Variants in ALDH8A1 observed in about 807,000 individuals in gnomAD.
The protein encoded by ALDH8A1 is aldehyde dehydrogenase 8 family member A1.
ALDH8A1 carries 39 observed loss-of-function variants against 43.3 expected under a neutral mutation model. The observed-to-expected ratio is 0.90, with a 90% CI of 0.70 to 1.18. The LOEUF is 1.18. ALDH8A1 is among the 50% of genes most tolerant of loss of function. ALDH8A1 has a pLI of 0.00. For synonymous variants in ALDH8A1, 233 were observed against 243.5 expected, an observed-to-expected ratio of 0.96 and a Z score of 0.40; for missense variants, 605 against 622.6, an observed-to-expected ratio of 0.97 and a Z score of 0.30.
At chr6:134,933,158 G>T in intron 4 of ALDH8A1, 126 bp from the exon 5 acceptor site, 1 of 1,111,162 alleles carries the variant, frequency 9.0e-7, no homozygotes, top group Non-Finnish European at 1.2e-6. Flanking sequence ...AAGCACTTGG[G>T]TTTTACAACA....
chr6:134,933,052 A>G lies in ALDH8A1; in HGVS notation c.593-20T>C. 1 of 1,523,106 alleles carries G rather than the reference A, an allele frequency of 6.6e-7. No individual in the cohort carries two copies. The highest frequency in any genetic ancestry group is 8.8e-7 in the Non-Finnish European group (1 of 1,141,612). 94.3% of individuals were successfully genotyped at this position (1,523,106 alleles called of 1,614,324 possible). A position where few individuals can be genotyped will look rare whatever the true frequency, so the allele number is the denominator to read the frequency against. On this transcript the variant is annotated intron_variant, in intron 4 of 6. Transcript: ENST00000265605. ...GAACACCTGGATAGGAAACAGTATC[A>G]GTTATAGTAATTCTCAGTATGTTGA...
rs1189336165 is a variant in ALDH8A1, at chr6:134,932,753, G to A, written c.849+23C>T. 5.6e-6 allele frequency: 9 copies of A among 1,609,946 alleles called. No homozygotes were observed. The South Asian group carries it at 1.0e-4, about 18-fold the overall frequency. ...GCTTGACAGGGCCATGGAGGGGAGG[G>A]AGAAGAACCCCCGGGGACATACCTG... On this transcript the variant is annotated intron_variant, in intron 5 of 6. Transcript: ENST00000265605.
rs1344098935 is a variant in ALDH8A1, at chr6:134,928,657, T to C, written c.1011+397A>G. Among the ~76,000 whole-genome samples the C allele has an allele frequency of 2.6e-5, 4 of 152,204 alleles. No individual in the cohort carries two copies. In the East Asian group the frequency reaches 5.8e-4, roughly 22 times the overall value. On this transcript the variant is annotated intron_variant, in intron 6 of 6. Transcript: ENST00000265605. The stretch of plus-strand genomic sequence containing the variant: ...CCCCCACTGACTAAGGACGACACAA[T>C]TGGGACTGTTTGTGTTGGCACTTCT...
At chr6:134,933,922 T>TG (rs1301299022) in intron 4 of ALDH8A1, among the ~76,000 whole-genome samples, 2 of 152,168 alleles carry the variant, frequency 1.3e-5, no homozygotes, top group Non-Finnish European at 2.9e-5. Context: ...TTGGCCAGGC[T>TG]GGTCTCGAAC....
At chr6:134,924,858 T>C (rs1010634267) in intron 6 of ALDH8A1, among the ~76,000 whole-genome samples, 8 of 152,230 alleles carry the variant, frequency 5.3e-5, no homozygotes, top group Non-Finnish European at 1.2e-4. Flanking sequence ...TGAAAACTAC[T>C]AGGAATCACC....
intron 4 of ALDH8A1, among the ~76,000 whole-genome samples, chr6:134,935,953 C>CT (rs5880239): frequency 0.13 from 18,624 of 138,878 alleles, 1,709 homozygotes; most frequent in East Asian, 0.25. Context: ...AGCCCCACTT[C>CT]TTTTTTTTTT....
chr6:134,945,456 G>A (rs1286854597), intron 1 of ALDH8A1, among the ~76,000 whole-genome samples: 3 of 152,254 alleles, frequency 2.0e-5, no homozygotes, highest in African/African-American at 7.2e-5. Context: ...TATATGTATG[G>A]GAAGGTATGG....
intron 6 of ALDH8A1, among the ~76,000 whole-genome samples, chr6:134,928,180 T>A (rs1414826472): frequency 6.6e-6 from 1 of 152,170 alleles, no homozygotes; most frequent in African/African-American, 2.4e-5. Context: ...CTCTCCTCCC[T>A]CCTGAAACCT....
intron 1 of ALDH8A1, among the ~76,000 whole-genome samples, chr6:134,945,753 G>A (rs1408339653): frequency 1.3e-5 from 2 of 152,114 alleles, no homozygotes. Context: ...CTAGCCGCCT[G>A]AGCCTGTGCT....
rs200001006 is a variant in ALDH8A1, at chr6:134,942,353, G to A, written c.442+56C>T. ...TTCCTTGAGGACAATGCCATAGAAT[G>A]TTGTGAGCATCTGCAAGCATAACCG... On this transcript the variant is annotated intron_variant, in intron 3 of 6. Coordinates refer to ENST00000265605, the MANE Select transcript of ALDH8A1 (RefSeq NM_022568.4). 3.4e-6 allele frequency: 5 copies of A among 1,492,330 alleles called. No homozygotes were observed. In the East Asian group the frequency reaches 1.2e-4, roughly 35 times the overall value. The allele number at this position is 1,492,330 out of a possible 1,614,324, so 92.4% of individuals were successfully genotyped here.
chr6:134,941,735 G>A (rs944891862), intron 3 of ALDH8A1, among the ~76,000 whole-genome samples: 3 of 151,744 alleles, frequency 2.0e-5, no homozygotes, highest in African/African-American at 7.3e-5. Flanking sequence ...ATGGTGGCCA[G>A]GCTGATCGAA....
At chr6:134,940,235 T>TA (rs1285584875) in intron 3 of ALDH8A1, 1 of 349,586 alleles carries the variant, frequency 2.9e-6, no homozygotes, top group South Asian at 2.2e-5. Flanking sequence ...CAAAAAAAAA[T>TA]AAAAAATAAA....
chr6:134,932,796 T>C lies in ALDH8A1; in HGVS notation c.829A>G (p.Arg277Gly). ...CATACCTGGTTGGCAAAGCTGGACCTGACGGTTGCCGGAATGCACTCATCC... is the reference window on the plus strand; with the variant it reads ...CATACCTGGTTGGCAAAGCTGGACCCGACGGTTGCCGGAATGCACTCATCC... ...NLDECIPATV[R>G]SSFANQGEIC... The change falls in exon 5 of 7, where the codon AGG becomes GGG. Residue 277 changes from arginine (R) to glycine (G), a missense_variant. Coordinates refer to ENST00000265605, the MANE Select transcript of ALDH8A1 (RefSeq NM_022568.4). 2 of 1,614,220 alleles carry C rather than the reference T, an allele frequency of 1.2e-6. No homozygotes were observed. Among genetic ancestry groups the C allele is most frequent in the Non-Finnish European group, 1.7e-6 (2 of 1,180,030 alleles).
intron 4 of ALDH8A1, among the ~76,000 whole-genome samples, chr6:134,934,283 C>G (rs1352733435): frequency 2.0e-5 from 3 of 152,162 alleles, no homozygotes; most frequent in African/African-American, 7.2e-5. Flanking sequence ...ATGACTCTTC[C>G]TTATTAATCT....
intron 2 of ALDH8A1, 120 bp from the exon 3 acceptor site, chr6:134,942,684 C>T (rs1773878876): frequency 4.0e-6 from 4 of 997,846 alleles, no homozygotes; most frequent in Admixed American, 2.7e-5. Flanking sequence ...TAGCCCGGGG[C>T]AGGCATTCCT....
intron 1 of ALDH8A1, among the ~76,000 whole-genome samples, chr6:134,946,259 A>G (rs1004188227): frequency 3.3e-5 from 5 of 152,166 alleles, no homozygotes; most frequent in African/African-American, 1.2e-4. Flanking sequence ...TTGAATGTGG[A>G]CCTGCAGACA....
In ALDH8A1 at chr6:134,929,210, T is replaced by C; in HGVS notation, c.855A>G (p.Glu285=). 1 of 1,613,858 alleles carries C rather than the reference T, an allele frequency of 6.2e-7. No homozygotes were observed. The highest frequency in any genetic ancestry group is 8.5e-7 in the Non-Finnish European group (1 of 1,179,910). Residue 285 remains glutamate (E), a synonymous_variant, in exon 6 of 7, where the codon GAA becomes GAG. Coordinates refer to ENST00000265605, the MANE Select transcript of ALDH8A1 (RefSeq NM_022568.4). ...AGATCCTGCTGGTACAGAGACAGAT[T>C]TCACCCTGCCAAGAATGAGAACAGG... ...TVRSSFANQG[E]ICLCTSRIFV... is the part of the protein sequence containing the mutation.
rs548412859 is a variant in ALDH8A1 at position 134,934,165 on chromosome 6, C to T, written c.593-1133G>A. Among the ~76,000 whole-genome samples, 556 of 152,262 alleles carry T rather than the reference C, an allele frequency of 3.7e-3. 2 individuals carry two copies. The highest frequency in any genetic ancestry group is 0.012 in the African/African-American group (496 of 41,558). On this transcript the variant is annotated intron_variant, in intron 4 of 6. Transcript: ENST00000265605. ...TGAGAAATAAAAATAAAATCCTAAGCTCCCCCAGTTGACTGAATGCAGCCT... is the reference window on the plus strand; with the variant it reads ...TGAGAAATAAAAATAAAATCCTAAGTTCCCCCAGTTGACTGAATGCAGCCT...
chr6:134,944,726 G>A (rs866305727), intron 1 of ALDH8A1, among the ~76,000 whole-genome samples: 2 of 151,652 alleles, frequency 1.3e-5, no homozygotes, highest in Middle Eastern at 3.4e-3. Flanking sequence ...TCTACACAAA[G>A]GTTTTTTAAA....
Sources: gnomAD v4.1 joint callset for allele counts (sites outside exome capture counted in the v4.1 genomes callset) on GRCh38, gnomAD v4.1.1 for gene constraint, MANE v1.5 for transcripts, NCBI Gene and HGNC (gene_info 2026-07-23, HGNC 2026-07-21) for gene names.